HOOK1: variants seen among roughly 807,000 people sequenced by gnomAD.
HOOK1 encodes protein Hook homolog 1.
HOOK1 carries 60 observed loss-of-function variants against 112.8 expected under a neutral mutation model. The observed-to-expected ratio is 0.53, with a 90% CI of 0.43 to 0.66. HOOK1 has a LOEUF of 0.66. Ranked by LOEUF, HOOK1 falls within the 30% of genes least tolerant of loss-of-function variation. The pLI is 0.00. For missense variants in HOOK1, 770 were observed against 856.0 expected (o/e 0.90, Z 1.25); for synonymous variants, 294 against 283.8 (o/e 1.04, Z -0.36).
At chr1:59,849,802 C>A (rs1028518972) in intron 12 of HOOK1, among the ~76,000 whole-genome samples, 2 of 151,538 alleles carry the variant, frequency 1.3e-5, no homozygotes, top group African/African-American at 4.8e-5. Context: ...GTGCTGTATC[C>A]TTTTTATTGC....
At position 59,846,569 on chromosome 1, in the gene HOOK1, TCCTTCCTTCCTTCCTTCCTCCC is replaced by T. The variant is rs1559053143; in HGVS notation, c.789-475_789-454del. ...TTCCTTCCTTCCTTCCTTCCTTCCT[TCCTTCCTTCCTTCCTTCCTCCC>T]TCCTCCCTCCCTCCCTCCCTCTCTC... On this transcript the variant is annotated intron_variant, in intron 9 of 21. Transcript: ENST00000371208. Among the ~76,000 whole-genome samples the T allele has an allele frequency of 6.9e-3, 489 of 71,118 alleles. 11 individuals carry two copies. Among genetic ancestry groups the T allele is most frequent in the African/African-American group, 0.025 (397 of 15,672 alleles). The allele number at this position is 71,118 out of a possible 152,430, so 46.7% of individuals were successfully genotyped here. A position where few individuals can be genotyped will look rare whatever the true frequency, so the allele number is the denominator to read the frequency against.
rs377674831 is a variant in HOOK1 at position 59,847,370 on chromosome 1, A to G, written c.929+185A>G. On this transcript the variant is annotated intron_variant, in intron 10 of 21. Transcript: ENST00000371208. ...TTGTTTGGGCTTGCAGTTCATGGAT[A>G]ATACTCAATTTTTATTAGGACATTT... Among the ~76,000 whole-genome samples the G allele has an allele frequency of 3.0e-4, 46 of 151,812 alleles. No individual in the cohort carries two copies. In the East Asian group the frequency reaches 7.9e-3, roughly 26 times the overall value.
At chr1:59,848,233 G>T in intron 10 of HOOK1, 82 bp from the exon 11 acceptor site, 1 of 963,226 alleles carries the variant, frequency 1.0e-6, no homozygotes, top group Non-Finnish European at 1.6e-6. Context: ...GTGATAGTTT[G>T]GAAGATTCAT....
At chr1:59,823,348 T>G (rs765556767) in intron 2 of HOOK1, among the ~76,000 whole-genome samples, 16 of 152,016 alleles carry the variant, frequency 1.1e-4, no homozygotes, top group Non-Finnish European at 2.2e-4. Context: ...AAACAAAATT[T>G]TATTTATTTA....
intron 12 of HOOK1, among the ~76,000 whole-genome samples, chr1:59,857,630 C>A (rs558300990): frequency 1.6e-4 from 25 of 152,156 alleles, no homozygotes; most frequent in Non-Finnish European, 3.2e-4. Context: ...CAGTTTACTG[C>A]TAAATTGATT....
At chr1:59,850,999 T>C (rs2098406871) in intron 12 of HOOK1, among the ~76,000 whole-genome samples, 2 of 151,666 alleles carry the variant, frequency 1.3e-5, no homozygotes, top group Non-Finnish European at 3.0e-5. Context: ...TTATTTGTGG[T>C]CTTTTAATGG....
intron 9 of HOOK1, among the ~76,000 whole-genome samples, chr1:59,844,722 TATTTA>T (rs1195551560): frequency 4.6e-5 from 7 of 152,020 alleles, no homozygotes; most frequent in Non-Finnish European, 8.8e-5. Flanking sequence ...TTTATTTAAA[TATTTA>T]ATTTCACTCG....
chr1:59,829,088 C>T (rs948461057), intron 3 of HOOK1, among the ~76,000 whole-genome samples: 4 of 152,068 alleles, frequency 2.6e-5, no homozygotes, highest in Admixed American at 2.6e-4. Context: ...CCCAGCCTTG[C>T]CCTAGGTAGC....
chr1:59,840,420 A>T, intron 8 of HOOK1, 29 bp downstream of exon 8: 2 of 1,421,792 alleles, frequency 1.4e-6, no homozygotes, highest in Non-Finnish European at 1.9e-6. Context: ...AGCTGAGAAA[A>T]ACTTCCTCTT....
intron 1 of HOOK1, among the ~76,000 whole-genome samples, chr1:59,819,563 T>C (rs2098384074): frequency 6.6e-6 from 1 of 152,186 alleles, no homozygotes; most frequent in Admixed American, 6.5e-5. Flanking sequence ...TAAGAACTTC[T>C]CAGAGACACT....
At chr1:59,845,343 G>A (rs2098403137) in intron 9 of HOOK1, among the ~76,000 whole-genome samples, 1 of 151,918 alleles carries the variant, frequency 6.6e-6, no homozygotes, top group Admixed American at 6.6e-5. Context: ...GGAATCTACA[G>A]TCATTTCATC....
In HOOK1 at chr1:59,848,485, C is replaced by A. The variant is rs751474962; in HGVS notation, c.1100C>A (p.Ala367Glu). 4 of 1,609,364 alleles carry A rather than the reference C, an allele frequency of 2.5e-6. No homozygotes were observed. In the East Asian group the frequency reaches 6.7e-5, roughly 27 times the overall value. Reference sequence around the variant, plus strand: ...GAAGAATTAAAAAAAGCAAATGCAGCACGTACACAATTAGAAACATACAAA... The same window carrying A: ...GAAGAATTAAAAAAAGCAAATGCAGAACGTACACAATTAGAAACATACAAA... ...LEEELKKANA[A>E]RTQLETYKRQ... Residue 367 changes from alanine (A) to glutamate (E), a missense_variant, in exon 11 of 22, where the codon GCA (alanine) becomes GAA (glutamate). Physicochemically the swap from Ala to Glu is moderately radical, Grantham distance 107 (BLOSUM62 -1). This residue lies in a region of HOOK1 where 655 missense variants were observed against 725.9 expected (regional missense o/e 0.90). Coordinates refer to ENST00000371208, the MANE Select transcript of HOOK1 (RefSeq NM_015888.6).
At position 59,875,372 on chromosome 1, in the gene HOOK1, A is replaced by AT. The variant is rs1182172009; in HGVS notation, c.*2410dup. The stretch of plus-strand genomic sequence containing the variant: ...GATTCAAAACGTTTGATATGTAAGT[A>AT]TTTATATAAGACTAATGTAATTTAA... On this transcript the variant is annotated 3_prime_UTR_variant, in exon 22 of 22. Coordinates refer to ENST00000371208, the MANE Select transcript of HOOK1 (RefSeq NM_015888.6). 2.6e-5 allele frequency: 4 copies of AT among 152,610 alleles called. No individual in the cohort carries two copies. Among genetic ancestry groups the AT allele is most frequent in the African/African-American group, 4.8e-5 (2 of 41,448 alleles). 9.5% of individuals were successfully genotyped at this position (152,610 alleles called of 1,614,324 possible). A position where few individuals can be genotyped will look rare whatever the true frequency, so the allele number is the denominator to read the frequency against.
chr1:59,835,641 T>C (rs1192955296), intron 6 of HOOK1, among the ~76,000 whole-genome samples: 1 of 152,086 alleles, frequency 6.6e-6, no homozygotes, highest in East Asian at 1.9e-4. Flanking sequence ...TATTATCAAG[T>C]CTCTTTAAAT....
intron 21 of HOOK1, among the ~76,000 whole-genome samples, chr1:59,872,032 T>A (rs1348190494): frequency 6.6e-6 from 1 of 152,238 alleles, no homozygotes; most frequent in Non-Finnish European, 1.5e-5. Flanking sequence ...GACCTCTTGA[T>A]ACATAAATCA....
Position 59,846,579 on chromosome 1 carries a change from CT to C in HOOK1, c.789-464del, listed in dbSNP as rs1559053204. ...CCTTCCTTCCTTCCTTCCTTCCTTC[CT>C]TCCTTCCTCCCTCCTCCCTCCCTCC... On this transcript the variant is annotated intron_variant, in intron 9 of 21. Coordinates refer to ENST00000371208, the MANE Select transcript of HOOK1 (RefSeq NM_015888.6). Among the ~76,000 whole-genome samples the C allele has an allele frequency of 1.3e-4, 13 of 100,608 alleles. 1 individual carries two copies. Among genetic ancestry groups the C allele is most frequent in the African/African-American group, 2.1e-4 (5 of 24,136 alleles). The allele number at this position is 100,608 out of a possible 152,430, so 66.0% of individuals were successfully genotyped here.
intron 1 of HOOK1, among the ~76,000 whole-genome samples, chr1:59,817,647 G>A (rs1473162566): frequency 1.3e-5 from 2 of 152,116 alleles, no homozygotes; most frequent in African/African-American, 4.8e-5. Flanking sequence ...CTGTTTTAAT[G>A]CATCAGGGAT....
chr1:59,854,114 C>A (rs184600951), intron 12 of HOOK1, among the ~76,000 whole-genome samples: 293 of 122,072 alleles, frequency 2.4e-3, no homozygotes, highest in Middle Eastern at 7.2e-3. Flanking sequence ...TGCAGTGACA[C>A]GATTTTGGCT....
chr1:59,825,012 G>A (rs1448467690), intron 2 of HOOK1, among the ~76,000 whole-genome samples: 3 of 152,188 alleles, frequency 2.0e-5, no homozygotes, highest in African/African-American at 4.8e-5. Flanking sequence ...TCTAGGAGAC[G>A]ATTCTCCTTT....
Sources: allele counts gnomAD v4.1 joint callset (sites outside exome capture counted in the v4.1 genomes callset), GRCh38; gene constraint gnomAD v4.1.1; regional missense constraint gnomAD v4.1.1; transcripts MANE v1.5; gene names NCBI Gene and HGNC (gene_info 2026-07-23, HGNC 2026-07-21).